The following SLC25A26 variants were observed in gnomAD, a reference collection of about 807,000 sequenced individuals.
SLC25A26 encodes the protein mitochondrial S-adenosylmethionine carrier protein.
Under a neutral mutation model 37.8 loss-of-function variants are expected in SLC25A26, and 36 were observed. The ratio of observed to expected loss-of-function variants is 0.95; its 90% CI spans 0.73 to 1.26. SLC25A26 has a LOEUF of 1.26. Ranked by LOEUF, SLC25A26 falls within the 50% of genes most tolerant of loss-of-function variation. The probability of loss-of-function intolerance (pLI) is 0.00; values close to 1 mark genes in which losing one functional copy is unlikely to be tolerated. For missense variants in SLC25A26, 390 were observed against 331.1 expected (o/e 1.18, Z -1.38); for synonymous variants, 129 against 122.5 (o/e 1.05, Z -0.35).
Position 66,281,996 on chromosome 3 carries a change from ATTTTTTTTTTTTT to A in SLC25A26, c.453+18631_453+18643del, listed in dbSNP as rs71105977. Among the ~76,000 whole-genome samples the A allele has an allele frequency of 1.9e-3, 123 of 64,478 alleles. No individual in the cohort carries two copies. In the East Asian group the frequency reaches 0.037, roughly 19 times the overall value. The allele number at this position is 64,478 out of a possible 152,430, so 42.3% of individuals were successfully genotyped here. A position where few individuals can be genotyped will look rare whatever the true frequency, so the allele number is the denominator to read the frequency against. ...CACCACCACACCCAACTGATTTTGC[ATTTTTTTTTTTTT>A]TTTTTTTTTTTTTGAGACGGAGTCT... On this transcript the variant is annotated intron_variant, in intron 5 of 9. Transcript: ENST00000354883.
intron 1 of SLC25A26, among the ~76,000 whole-genome samples, chr3:66,203,210 G>A (rs1271480911): frequency 1.3e-5 from 2 of 151,846 alleles, no homozygotes; most frequent in East Asian, 3.9e-4. Context: ...GCAAAACCTT[G>A]TTTCTATAAA....
rs1700768787 is a variant in SLC25A26, at chr3:66,377,864, C to G, written c.*57C>G. On this transcript the variant is annotated 3_prime_UTR_variant, in exon 10 of 10. Coordinates refer to ENST00000354883, the MANE Select transcript of SLC25A26 (RefSeq NM_001379210.1). ...AAGAGAGGGGCCTGCAGTGCAAACC[C>G]TCTTCCGCTGAGCAGCTGTCTGAAC... The G allele has an allele frequency of 2.3e-6, 3 of 1,286,070 alleles. No individual in the cohort carries two copies. Among genetic ancestry groups the G allele is most frequent in the East Asian group, 4.6e-5 (2 of 43,398 alleles). The allele number at this position is 1,286,070 out of a possible 1,614,324, so 79.7% of individuals were successfully genotyped here.
intron 6 of SLC25A26, among the ~76,000 whole-genome samples, chr3:66,350,599 T>A (rs1270687269): frequency 1.3e-5 from 2 of 152,212 alleles, no homozygotes; most frequent in Non-Finnish European, 2.9e-5. Flanking sequence ...CAGGAACATA[T>A]AACTTTCTAA....
chr3:66,206,731 C>G (rs1362854868), intron 1 of SLC25A26, among the ~76,000 whole-genome samples: 2 of 145,540 alleles, frequency 1.4e-5, no homozygotes, highest in African/African-American at 5.1e-5. Flanking sequence ...TAGACAGAGT[C>G]TTGCTGTATT....
At chr3:66,253,187 C>T (rs1303079126) in intron 3 of SLC25A26, among the ~76,000 whole-genome samples, 1 of 151,296 alleles carries the variant, frequency 6.6e-6, no homozygotes, top group African/African-American at 2.4e-5. Flanking sequence ...GCGGGCGGAT[C>T]GTGAGGTCAG....
intron 6 of SLC25A26, among the ~76,000 whole-genome samples, chr3:66,357,395 C>CT (rs2076601098): frequency 6.6e-6 from 1 of 152,156 alleles, no homozygotes; most frequent in Non-Finnish European, 1.5e-5. Context: ...GCCTGGGTAA[C>CT]AGAACAAGAT....
At chr3:66,215,798 T>C (rs1483816645) in intron 1 of SLC25A26, among the ~76,000 whole-genome samples, 2 of 152,226 alleles carry the variant, frequency 1.3e-5, no homozygotes, top group African/African-American at 2.4e-5. Context: ...TCCAGGAATA[T>C]TTTTATTGAA....
chr3:66,375,948 G>A (rs915051049), intron 9 of SLC25A26, among the ~76,000 whole-genome samples: 1 of 151,560 alleles, frequency 6.6e-6, no homozygotes, highest in African/African-American at 2.4e-5. Context: ...CTAGATACCA[G>A]TAAGAACATT....
At chr3:66,197,363 G>T (rs2071058939) in intron 1 of SLC25A26, among the ~76,000 whole-genome samples, 2 of 152,062 alleles carry the variant, frequency 1.3e-5, no homozygotes, top group Admixed American at 1.3e-4. Flanking sequence ...GTTGGGTCAT[G>T]GTGAAATTCA....
intron 6 of SLC25A26, 34 bp downstream of exon 6, chr3:66,346,442 C>A: frequency 8.5e-7 from 1 of 1,169,956 alleles, no homozygotes; most frequent in South Asian, 1.6e-5. Flanking sequence ...AAATTTGTCT[C>A]TAATTATAAC....
intron 3 of SLC25A26, among the ~76,000 whole-genome samples, 181 bp from the exon 4 acceptor site, chr3:66,261,870 A>G (rs1020456507): frequency 6.6e-6 from 1 of 152,122 alleles, no homozygotes; most frequent in Non-Finnish European, 1.5e-5. Flanking sequence ...TGGGCTGACA[A>G]AACAATGTAC....
intron 3 of SLC25A26, among the ~76,000 whole-genome samples, chr3:66,252,763 G>C (rs1030241067): frequency 3.9e-5 from 6 of 152,220 alleles, no homozygotes; most frequent in African/African-American, 1.4e-4. Flanking sequence ...GAAATTCAAA[G>C]AAGTTTAGTG....
chr3:66,349,479 C>CTTT (rs67964339), intron 6 of SLC25A26, among the ~76,000 whole-genome samples: 6 of 149,042 alleles, frequency 4.0e-5, no homozygotes, highest in South Asian at 2.1e-4. Context: ...TTGTGCTTTG[C>CTTT]TTTTTTTTTT....
chr3:66,187,955 C>T (rs1326686369), intron 1 of SLC25A26, among the ~76,000 whole-genome samples: 2 of 152,152 alleles, frequency 1.3e-5, no homozygotes, highest in East Asian at 1.9e-4. Flanking sequence ...CTATCCCTCA[C>T]CACATACCTG....
intron 5 of SLC25A26, among the ~76,000 whole-genome samples, chr3:66,274,305 A>T (rs57593987): frequency 0.066 from 10,010 of 152,046 alleles, 365 homozygotes; most frequent in African/African-American, 0.079. Flanking sequence ...CCCTAGAAGA[A>T]AACCTAGGCA....
At chr3:66,233,380 G>A (rs997810993) in intron 1 of SLC25A26, among the ~76,000 whole-genome samples, 3 of 152,162 alleles carry the variant, frequency 2.0e-5, no homozygotes, top group African/African-American at 7.2e-5. Context: ...GGTTATCTGG[G>A]TTATGTCCTA....
chr3:66,297,328 C>CA (rs34315256), intron 5 of SLC25A26, among the ~76,000 whole-genome samples: 293 of 106,198 alleles, frequency 2.8e-3, no homozygotes, highest in East Asian at 7.8e-3. Context: ...AACTCCATCT[C>CA]AAAAAAAAAA....
At chr3:66,343,188 T>G (rs1053259336) in intron 5 of SLC25A26, among the ~76,000 whole-genome samples, 1 of 152,236 alleles carries the variant, frequency 6.6e-6, no homozygotes. Context: ...AGTGTTTGTT[T>G]TAGCTATGGA....
chr3:66,230,962 G>A (rs962572138), intron 1 of SLC25A26, among the ~76,000 whole-genome samples: 1 of 152,146 alleles, frequency 6.6e-6, no homozygotes, highest in African/African-American at 2.4e-5. Flanking sequence ...ATCACCTGAG[G>A]TCAGGAGTTC....
Sources: allele counts gnomAD v4.1 joint callset (sites outside exome capture counted in the v4.1 genomes callset), GRCh38; gene constraint gnomAD v4.1.1; transcripts MANE v1.5; gene names NCBI Gene and HGNC (gene_info 2026-07-23, HGNC 2026-07-21).